PCDHGA3: variants seen among roughly 807,000 people sequenced by gnomAD.
PCDHGA3 encodes the protein protocadherin gamma-A3.
In PCDHGA3, 40 loss-of-function variants were observed where a neutral mutation model predicts 58.5. That is an observed-to-expected ratio of 0.68 (90% CI 0.53 to 0.89). PCDHGA3 has a LOEUF of 0.89. Among genes scored for constraint, PCDHGA3 ranks in the 40% least tolerant of loss-of-function variants. PCDHGA3 has a pLI of 0.00. For missense variants in PCDHGA3, 1,223 were observed against 1,195.9 expected (o/e 1.02, Z -0.33); for synonymous variants, 530 against 525.7 (o/e 1.01, Z -0.11).
intron 1 of PCDHGA3, among the ~76,000 whole-genome samples, chr5:141,442,784 A>C (rs1267270442): frequency 2.0e-5 from 3 of 152,212 alleles, no homozygotes; most frequent in Non-Finnish European, 4.4e-5. Flanking sequence ...ATTATATTTT[A>C]TAATTTTACT....
In PCDHGA3 at chr5:141,476,182, G is replaced by A. The variant is rs369561139; in HGVS notation, c.2425-18625G>A. On this transcript the variant is annotated intron_variant, in intron 1 of 3. Coordinates refer to ENST00000253812, the MANE Select transcript of PCDHGA3 (RefSeq NM_018916.4). This position sits in a 1 kb window ranked among gnomAD's most constrained non-coding sequence, Gnocchi z 7.6. ...GGAGGGTAGTGGGAGTTTTGCTTCT[G>A]CTTGGTGCCTTGAACAAGGCTTCCA... 5 of 1,613,554 alleles carry A rather than the reference G, an allele frequency of 3.1e-6. No homozygotes were observed. Among genetic ancestry groups the A allele is most frequent in the Admixed American group, 1.7e-5 (1 of 59,996 alleles).
rs905837179 is a variant in PCDHGA3 at position 141,478,541 on chromosome 5, G to A, written c.2425-16266G>A. ...GTTGGGTGCAGAGAGCGCCCCTCCCGGACAGGTAAGGTTTAGCAAGTCATG... is the reference window on the plus strand; with the variant it reads ...GTTGGGTGCAGAGAGCGCCCCTCCCAGACAGGTAAGGTTTAGCAAGTCATG... On this transcript the variant is annotated intron_variant, in intron 1 of 3. Coordinates refer to ENST00000253812, the MANE Select transcript of PCDHGA3 (RefSeq NM_018916.4). 4 of 1,605,470 alleles carry A rather than the reference G, an allele frequency of 2.5e-6. No homozygotes were observed. The Admixed American group carries it at 5.2e-5, about 21-fold the overall frequency.
chr5:141,478,347 C>T, intron 1 of PCDHGA3: 2 of 1,613,802 alleles, frequency 1.2e-6, no homozygotes, highest in Non-Finnish European at 1.7e-6. Context: ...TCCTTGCACG[C>T]GGACGCCGTG....
chr5:141,433,080 A>T lies in PCDHGA3; in HGVS notation c.2425-61727A>T, dbSNP rs1315049041. 4.3e-6 allele frequency: 7 copies of T among 1,614,174 alleles called. No homozygotes were observed. The East Asian group carries it at 1.6e-4, about 36-fold the overall frequency. ...AGTCACCTGATCTTCCCCCAGCCCA[A>T]CTATGCAGACATGCTCGTCAGCCAG... On this transcript the variant is annotated intron_variant, in intron 1 of 3. Transcript: ENST00000253812.
chr5:141,450,937 A>G (rs1011608521), intron 1 of PCDHGA3, among the ~76,000 whole-genome samples: 1 of 148,134 alleles, frequency 6.8e-6, no homozygotes, highest in African/African-American at 2.5e-5. Flanking sequence ...CAATTCTCCT[A>G]CCTCAGCCTC....
intron 1 of PCDHGA3, chr5:141,417,974 G>A: frequency 6.2e-7 from 1 of 1,613,856 alleles, no homozygotes. Flanking sequence ...CTCGATTCCG[G>A]AGGAGCTGGC....
At chr5:141,421,000 A>G (rs2096537102) in intron 1 of PCDHGA3, 1 of 507,878 alleles carries the variant, frequency 2.0e-6, no homozygotes, top group East Asian at 3.3e-5. Flanking sequence ...CTGCTCACCA[A>G]TCAGGGAATG....
At chr5:141,361,007 T>A (rs1437909553) in intron 1 of PCDHGA3, 2 of 1,613,400 alleles carry the variant, frequency 1.2e-6, no homozygotes, top group Non-Finnish European at 1.7e-6. Flanking sequence ...GTGAAACACT[T>A]TTTCAACTTA....
chr5:141,418,693 T>G, intron 1 of PCDHGA3: 1 of 1,614,040 alleles, frequency 6.2e-7, no homozygotes, highest in Admixed American at 1.7e-5. Flanking sequence ...CAGAGATCAC[T>G]TATTCCTTCT....
rs750827454 is a variant in PCDHGA3, at chr5:141,394,736, C to T, written c.2424+48279C>T. The stretch of plus-strand genomic sequence containing the variant: ...TGGACAGAGATGCGCTCAAGCAGAG[C>T]CTCGTGGTGGCCGTCCAGGACCATG... On this transcript the variant is annotated intron_variant, in intron 1 of 3. Transcript: ENST00000253812. 13 of 1,613,338 alleles carry T rather than the reference C, an allele frequency of 8.1e-6. No homozygotes were observed. The African/African-American group carries it at 1.5e-4, about 18-fold the overall frequency.
intron 1 of PCDHGA3, chr5:141,364,818 G>C (rs897458319): frequency 2.0e-5 from 33 of 1,613,896 alleles, no homozygotes; most frequent in Non-Finnish European, 2.5e-5. Context: ...GCGGATGTGG[G>C]TGTGAACTCT....
chr5:141,422,833 C>T, intron 1 of PCDHGA3: 2 of 1,614,224 alleles, frequency 1.2e-6, no homozygotes, highest in East Asian at 2.2e-5. Context: ...AGTGATAGCA[C>T]GTGACAGCGG....
intron 1 of PCDHGA3, chr5:141,390,278 T>A (rs559321936): frequency 1.9e-6 from 3 of 1,614,028 alleles, no homozygotes; most frequent in Admixed American, 1.7e-5. Flanking sequence ...TGACTTCCCA[T>A]CAGGTGAGTT....
intron 1 of PCDHGA3, chr5:141,430,944 G>T: frequency 1.2e-6 from 2 of 1,609,214 alleles, no homozygotes; most frequent in Non-Finnish European, 1.7e-6. Flanking sequence ...CTCGCGGAGC[G>T]CGGAGTCCGC....
At chr5:141,399,842 A>G (rs749737928) in intron 1 of PCDHGA3, 11 of 1,612,852 alleles carry the variant, frequency 6.8e-6, no homozygotes, top group Non-Finnish European at 8.5e-7. Flanking sequence ...GCGCTCTTCG[A>G]TATGGTGCCG....
chr5:141,437,794 G>A (rs1162440523), intron 1 of PCDHGA3, among the ~76,000 whole-genome samples: 3 of 150,526 alleles, frequency 2.0e-5, no homozygotes, highest in Non-Finnish European at 4.4e-5. Flanking sequence ...CTGGAGTGCA[G>A]TGGCACTATC....
chr5:141,359,484 C>A (rs1229655985), intron 1 of PCDHGA3, among the ~76,000 whole-genome samples: 1 of 150,418 alleles, frequency 6.6e-6, no homozygotes, highest in Non-Finnish European at 1.5e-5. Flanking sequence ...GTTGTATATT[C>A]ATATTACGGA....
chr5:141,365,654 G>C (rs952946348), intron 1 of PCDHGA3: 3 of 1,613,496 alleles, frequency 1.9e-6, no homozygotes, highest in Non-Finnish European at 1.7e-6. Flanking sequence ...CCCCTTGAAA[G>C]TAGCAGACGT....
intron 1 of PCDHGA3, chr5:141,371,115 G>A (rs757942462): frequency 1.2e-6 from 2 of 1,613,784 alleles, no homozygotes; most frequent in African/African-American, 1.3e-5. Context: ...TAACCCCCCA[G>A]TATTTACTCA....
Sources: allele counts gnomAD v4.1 joint callset (sites outside exome capture counted in the v4.1 genomes callset), GRCh38; gene constraint gnomAD v4.1.1; non-coding constraint Gnocchi (gnomAD v3.1); transcripts MANE v1.5; gene names NCBI Gene and HGNC (gene_info 2026-07-23, HGNC 2026-07-21).